Variants in ACOT7 observed in about 807,000 individuals in gnomAD.
ACOT7 encodes the protein acyl-CoA thioesterase 7.
In ACOT7, 12 loss-of-function variants were observed where a neutral mutation model predicts 40.2. The ratio of observed to expected loss-of-function variants is 0.30; its 90% CI spans 0.19 to 0.48. The LOEUF (loss-of-function observed/expected upper bound fraction) is 0.48. Ranked by LOEUF, ACOT7 falls within the 20% of genes least tolerant of loss-of-function variation. ACOT7 has a pLI of 0.99. For missense variants in ACOT7, 395 were observed against 530.8 expected, an observed-to-expected ratio of 0.74 and a Z score of 2.51; for synonymous variants, 228 against 219.5, an observed-to-expected ratio of 1.04 and a Z score of -0.34.
chr1:6,382,087 A>G (rs12057801), intron 1 of ACOT7, among the ~76,000 whole-genome samples: 49,376 of 146,442 alleles, frequency 0.34, 12,679 homozygotes, highest in African/African-American at 0.71. Context: ...GCAGTGAGCC[A>G]AGATTGCGCC....
chr1:6,324,432 A>G (rs72858317), intron 5 of ACOT7, among the ~76,000 whole-genome samples: 14,859 of 152,230 alleles, frequency 0.098, 1,862 homozygotes, highest in African/African-American at 0.29. Context: ...GAAAAATATC[A>G]CGTGTAGATT....
At position 6,330,677 on chromosome 1, in the gene ACOT7, G is replaced by T. The variant is rs1640931445; in HGVS notation, c.510+2800C>A. Among the ~76,000 whole-genome samples the T allele has an allele frequency of 6.6e-6, 1 of 152,196 alleles. No homozygotes were observed. Among genetic ancestry groups the T allele is most frequent in the African/African-American group, 2.4e-5 (1 of 41,440 alleles). On this transcript the variant is annotated intron_variant, in intron 4 of 8. Transcript: ENST00000361521. The surrounding 1 kb of genome is among the most constrained non-coding windows in gnomAD (Gnocchi z 4.6). The stretch of plus-strand genomic sequence containing the variant: ...AGGCGAGGCTAACAGGGGCCACGCT[G>T]AAAGCACCCTGTCCCTGCAGCGAGG...
intron 1 of ACOT7, among the ~76,000 whole-genome samples, chr1:6,365,006 AGAGT>A (rs912647374): frequency 4.6e-5 from 7 of 151,496 alleles, no homozygotes; most frequent in African/African-American, 1.5e-4. Flanking sequence ...CTGAGCAACA[AGAGT>A]GAGACTCCGT....
intron 1 of ACOT7, among the ~76,000 whole-genome samples, chr1:6,363,863 T>A (rs1641944923): frequency 6.6e-6 from 1 of 152,120 alleles, no homozygotes; most frequent in South Asian, 2.1e-4. Context: ...ATTTCTACAA[T>A]CTCTCATCTC....
intron 1 of ACOT7, among the ~76,000 whole-genome samples, chr1:6,353,490 G>A (rs906558850): frequency 3.3e-5 from 5 of 151,982 alleles, no homozygotes; most frequent in East Asian, 3.9e-4. Flanking sequence ...AAAAATTAGC[G>A]GGGCGTGGTG....
rs61760844 is a variant in ACOT7, at chr1:6,278,235, C to T, written c.1014+2867G>A. Among the ~76,000 whole-genome samples, 14,726 of 152,070 alleles carry T rather than the reference C, an allele frequency of 0.097. 930 individuals carry two copies. Among genetic ancestry groups the T allele is most frequent in the Non-Finnish European group, 0.15 (9,988 of 67,952 alleles). ...CAGATGGGAGCAGCAGGTGCACAGG[C>T]GCCGGGCAGGAGTGAGCTTGCTGCA... On this transcript the variant is annotated intron_variant, in intron 8 of 8. Coordinates refer to ENST00000361521, the MANE Select transcript of ACOT7 (RefSeq NM_007274.4). This position sits in a 1 kb window ranked among gnomAD's most constrained non-coding sequence, Gnocchi z 4.1.
At chr1:6,318,646 T>C in intron 5 of ACOT7, 68 bp from the exon 6 acceptor site, 1 of 1,502,232 alleles carries the variant, frequency 6.7e-7, no homozygotes, top group South Asian at 1.2e-5. Flanking sequence ...GGTCTGGCAA[T>C]GCCGAAACCA....
Position 6,393,381 on chromosome 1 carries a change from TGA to T in ACOT7, c.17_18del (p.Leu6HisfsTer48). On this transcript the variant is annotated frameshift_variant, in exon 1 of 9. Coordinates refer to ENST00000361521, the MANE Select transcript of ACOT7 (RefSeq NM_007274.4). LOFTEE classifies it high-confidence loss of function. Reference protein sequence around the residue: MARPGLIHSAPGLPDT... With the variant: MARPGXIHSAPGLPDT... Reference sequence around the variant, plus strand: ...TCTGGCAGGCCCGGCGCGGAATGAATGAGCCCGGGCCGCGCCATAAAGGGGGA... The same window carrying T: ...TCTGGCAGGCCCGGCGCGGAATGAATGCCCGGGCCGCGCCATAAAGGGGGA... The T allele has an allele frequency of 8.1e-7, 1 of 1,231,672 alleles. No individual in the cohort carries two copies. Among genetic ancestry groups the T allele is most frequent in the Non-Finnish European group, 1.0e-6 (1 of 984,738 alleles). The allele number at this position is 1,231,672 out of a possible 1,614,324, so 76.3% of individuals were successfully genotyped here. A position where few individuals can be genotyped will look rare whatever the true frequency, so the allele number is the denominator to read the frequency against.
intron 4 of ACOT7, 98 bp downstream of exon 4, chr1:6,333,379 C>T: frequency 7.2e-7 from 1 of 1,386,720 alleles, no homozygotes; most frequent in Non-Finnish European, 1.0e-6. Flanking sequence ...GCCTGTTGCT[C>T]CCTTGAGACC....
intron 7 of ACOT7, among the ~76,000 whole-genome samples, chr1:6,287,667 C>T (rs1006118796): frequency 3.3e-5 from 5 of 152,138 alleles, no homozygotes; most frequent in African/African-American, 4.8e-5. Flanking sequence ...CCCCAGCAGA[C>T]GGGCGTCTCT....
intron 3 of ACOT7, among the ~76,000 whole-genome samples, chr1:6,336,086 CCTGTAATCCCAGCA>C (rs1224562009): frequency 2.0e-5 from 3 of 152,188 alleles, no homozygotes; most frequent in Non-Finnish European, 4.4e-5. Context: ...GTGGCTTACG[CCTGTAATCCCAGCA>C]CTCTGGCAGG....
At chr1:6,295,238 A>C (rs2148396092) in intron 6 of ACOT7, 1 of 344,560 alleles carries the variant, frequency 2.9e-6, no homozygotes, top group South Asian at 4.4e-5. Flanking sequence ...TGTCCTCTAC[A>C]GATATCTCAC....
Position 6,282,950 on chromosome 1 carries a change from T to A in ACOT7, c.830-1664A>T. On this transcript the variant is annotated intron_variant, in intron 7 of 8. Coordinates refer to ENST00000361521, the MANE Select transcript of ACOT7 (RefSeq NM_007274.4). This position sits in a 1 kb window ranked among gnomAD's most constrained non-coding sequence, Gnocchi z 4.5. ...AGCATCTCTGCCTCCTTCCTCACAA[T>A]GCCCAGCCCACATCCCTCACCAACA... 2.1e-6 allele frequency: 1 copy of A among 484,010 alleles called. No homozygotes were observed. 30.0% of individuals were successfully genotyped at this position (484,010 alleles called of 1,614,324 possible).
intron 1 of ACOT7, among the ~76,000 whole-genome samples, chr1:6,368,817 C>A (rs1161812277): frequency 6.6e-6 from 1 of 152,124 alleles, no homozygotes; most frequent in Admixed American, 6.5e-5. Flanking sequence ...GCTGCCACTG[C>A]TGCTGCCACT....
intron 1 of ACOT7, among the ~76,000 whole-genome samples, chr1:6,376,057 C>T: frequency 6.6e-6 from 1 of 152,048 alleles, no homozygotes; most frequent in East Asian, 1.9e-4. Context: ...AAGTTCGAGA[C>T]CAGCCTGGCC....
At chr1:6,276,646 C>A (rs957956625) in intron 8 of ACOT7, among the ~76,000 whole-genome samples, 1 of 151,970 alleles carries the variant, frequency 6.6e-6, no homozygotes, top group African/African-American at 2.4e-5. Context: ...TCTGGAGGGA[C>A]GGAACGCACA....
chr1:6,391,837 A>G (rs985496129), intron 1 of ACOT7, among the ~76,000 whole-genome samples: 1 of 152,212 alleles, frequency 6.6e-6, no homozygotes, highest in African/African-American at 2.4e-5. Context: ...GTGGGATGAG[A>G]CAGGTATAAG....
rs968627976 is a variant in ACOT7 at position 6,350,798 on chromosome 1, T to G, written c.144-932A>C. Among the ~76,000 whole-genome samples, 5 of 152,280 alleles carry G rather than the reference T, an allele frequency of 3.3e-5. No individual in the cohort carries two copies. In the East Asian group the frequency reaches 9.7e-4, roughly 29 times the overall value. On this transcript the variant is annotated intron_variant, in intron 1 of 8. Coordinates refer to ENST00000361521, the MANE Select transcript of ACOT7 (RefSeq NM_007274.4). ...CCCAGGTCTGCATCTCCTCTCTGCT[T>G]CTCTAGCAGCTCCAAGGCTGAGCAA...
chr1:6,363,605 C>T (rs1641937734), intron 1 of ACOT7, among the ~76,000 whole-genome samples: 1 of 151,752 alleles, frequency 6.6e-6, no homozygotes, highest in Admixed American at 6.6e-5. Flanking sequence ...CGTAAGCTGT[C>T]TCTCTCTCTC....
Sources: gnomAD v4.1 joint callset for allele counts (sites outside exome capture counted in the v4.1 genomes callset) on GRCh38, gnomAD v4.1.1 for gene constraint, Gnocchi (gnomAD v3.1) non-coding constraint, MANE v1.5 for transcripts, NCBI Gene and HGNC (gene_info 2026-07-23, HGNC 2026-07-21) for gene names.